VHL: variants seen among roughly 807,000 people sequenced by gnomAD.
VHL encodes the protein von Hippel-Lindau disease tumor suppressor.
A neutral mutation model predicts 19.2 loss-of-function variants in VHL; 10 were observed. The observed-to-expected ratio is 0.52, with a 90% CI of 0.32 to 0.89. VHL has a LOEUF of 0.89. Among genes scored for constraint, VHL ranks in the 40% least tolerant of loss-of-function variants. The pLI, the probability that VHL is intolerant of heterozygous loss-of-function variation, is 0.03. For synonymous variants in VHL, 167 were observed against 129.5 expected, an observed-to-expected ratio of 1.29 and a Z score of -1.97; for missense variants, 328 against 292.7, an observed-to-expected ratio of 1.12 and a Z score of -0.88.
intron 1 of VHL, among the ~76,000 whole-genome samples, chr3:10,145,254 G>A (rs1188018973): frequency 1.3e-5 from 2 of 152,046 alleles, no homozygotes; most frequent in African/African-American, 2.4e-5. Context: ...AAAATTACAA[G>A]TTTACATTTC....
At position 10,141,790 on chromosome 3, in the gene VHL, C is replaced by A; in HGVS notation, c.-58C>A. Reference sequence around the variant, plus strand: ...CGGGAGCGCGCACGCAGCTCCGCCCCGCGTCCGACCCGCGGATCCCGCGGC... The same window carrying A: ...CGGGAGCGCGCACGCAGCTCCGCCCAGCGTCCGACCCGCGGATCCCGCGGC... On this transcript the variant is annotated 5_prime_UTR_variant, in exon 1 of 3. Transcript: ENST00000256474. The A allele has an allele frequency of 6.5e-7, 1 of 1,528,148 alleles. No individual in the cohort carries two copies. Among genetic ancestry groups the A allele is most frequent in the East Asian group, 2.5e-5 (1 of 40,482 alleles). 94.7% of individuals were successfully genotyped at this position (1,528,148 alleles called of 1,614,324 possible).
At chr3:10,147,163 C>G (rs987510812) in intron 2 of VHL, among the ~76,000 whole-genome samples, 10 of 151,872 alleles carry the variant, frequency 6.6e-5, no homozygotes, top group African/African-American at 2.4e-4. Context: ...AGGCGTGTGC[C>G]ACCCACTCTG....
intron 2 of VHL, 38 bp downstream of exon 2, chr3:10,146,674 G>C (rs200928782): frequency 3.1e-6 from 5 of 1,610,864 alleles, no homozygotes; most frequent in Admixed American, 1.7e-5. Flanking sequence ...TAAGGTTGTT[G>C]TGGTAAGTAC....
rs998479331 is a variant in VHL, at chr3:10,150,850, T to G, written c.*885T>G. 2.1e-4 allele frequency: 49 copies of G among 231,248 alleles called. No homozygotes were observed. The highest frequency in any genetic ancestry group is 7.7e-5 in the Non-Finnish European group (9 of 116,912). The allele number at this position is 231,248 out of a possible 1,614,324, so 14.3% of individuals were successfully genotyped here. Reference sequence around the variant, plus strand: ...ATTTCTGTTCCTTTTTGTAAATATGTGACATTCCTGATTGATTTGGGTTTT... The same window carrying G: ...ATTTCTGTTCCTTTTTGTAAATATGGGACATTCCTGATTGATTTGGGTTTT... On this transcript the variant is annotated 3_prime_UTR_variant, in exon 3 of 3. Transcript: ENST00000256474.
In VHL at chr3:10,150,022, C is replaced by A. The variant is rs2125131042; in HGVS notation, c.*57C>A. The A allele has an allele frequency of 6.3e-7, 1 of 1,579,426 alleles. No individual in the cohort carries two copies. Among genetic ancestry groups the A allele is most frequent in the South Asian group, 1.2e-5 (1 of 86,684 alleles). On this transcript the variant is annotated 3_prime_UTR_variant, in exon 3 of 3. Transcript: ENST00000256474. ...TCAGCTTTTGATGGTACTGATGAGTCTTGATCTAGATACAGGACTGGTTCC... is the reference window on the plus strand; with the variant it reads ...TCAGCTTTTGATGGTACTGATGAGTATTGATCTAGATACAGGACTGGTTCC...
In VHL at chr3:10,149,131, A is replaced by G. The variant is rs367874037; in HGVS notation, c.464-656A>G. ...TCTCTTTTCTTTTTTCTTTTTTTTC[A>G]AGATAGGGTCTCACTCTGTCACCCA... On this transcript the variant is annotated intron_variant, in intron 2 of 2. Transcript: ENST00000256474. Among the ~76,000 whole-genome samples the G allele has an allele frequency of 9.0e-5, 12 of 133,762 alleles. 1 individual carries two copies. The East Asian group carries it at 1.1e-3, about 13-fold the overall frequency. The allele number at this position is 133,762 out of a possible 152,430, so 87.8% of individuals were successfully genotyped here.
At position 10,151,999 on chromosome 3, in the gene VHL, T is replaced by G. The variant is rs1136249; in HGVS notation, c.*2034T>G. 0.59 allele frequency: 100,307 copies of G among 170,922 alleles called. 32,435 individuals carry two copies. Among genetic ancestry groups the G allele is most frequent in the East Asian group, 0.75 (7,523 of 10,012 alleles). 10.6% of individuals were successfully genotyped at this position (170,922 alleles called of 1,614,324 possible). On this transcript the variant is annotated 3_prime_UTR_variant, in exon 3 of 3. Transcript: ENST00000256474. ...TCATTGGAGTTTAGGAATTGGAGGC[T>G]GCAGTGAGCCATGAGTATGCCACTG... is the stretch of plus-strand genomic sequence containing the variant.
In VHL at chr3:10,151,344, A is replaced by G. The variant is rs1303893482; in HGVS notation, c.*1379A>G. On this transcript the variant is annotated 3_prime_UTR_variant, in exon 3 of 3. Transcript: ENST00000256474. ...TCATTAACTCAAATTCAATGCTTCT[A>G]TCAGACTCAGTTTTTTGTAACTAAT... 1.4e-5 allele frequency: 3 copies of G among 215,448 alleles called. No homozygotes were observed. The highest frequency in any genetic ancestry group is 6.8e-5 in the African/African-American group (3 of 44,388). The allele number at this position is 215,448 out of a possible 1,614,324, so 13.3% of individuals were successfully genotyped here. A position where few individuals can be genotyped will look rare whatever the true frequency, so the allele number is the denominator to read the frequency against.
At chr3:10,148,605 C>A (rs911561838) in intron 2 of VHL, among the ~76,000 whole-genome samples, 5 of 151,694 alleles carry the variant, frequency 3.3e-5, no homozygotes, top group African/African-American at 1.2e-4. Flanking sequence ...TGAGCCACCG[C>A]GCCCGGCCTA....
At chr3:10,145,955 C>G (rs576803485) in intron 1 of VHL, among the ~76,000 whole-genome samples, 1 of 151,838 alleles carries the variant, frequency 6.6e-6, no homozygotes, top group Non-Finnish European at 1.5e-5. Context: ...GGATTGAGAG[C>G]TTTAAGTACG....
chr3:10,150,852 A>G lies in VHL; in HGVS notation c.*887A>G, dbSNP rs1364253503. 1 of 230,948 alleles carries G rather than the reference A, an allele frequency of 4.3e-6. No individual in the cohort carries two copies. Among genetic ancestry groups the G allele is most frequent in the African/African-American group, 2.2e-5 (1 of 45,186 alleles). 14.3% of individuals were successfully genotyped at this position (230,948 alleles called of 1,614,324 possible). A position where few individuals can be genotyped will look rare whatever the true frequency, so the allele number is the denominator to read the frequency against. On this transcript the variant is annotated 3_prime_UTR_variant, in exon 3 of 3. Transcript: ENST00000256474. ...TTCTGTTCCTTTTTGTAAATATGTG[A>G]CATTCCTGATTGATTTGGGTTTTTT...
At chr3:10,147,701 T>C (rs1285426085) in intron 2 of VHL, among the ~76,000 whole-genome samples, 4 of 151,740 alleles carry the variant, frequency 2.6e-5, no homozygotes, top group Non-Finnish European at 4.4e-5. Flanking sequence ...AAGATTGGTA[T>C]AATACTTCAC....
Position 10,151,666 on chromosome 3 carries a change from C to G in VHL, c.*1701C>G, listed in dbSNP as rs1317815197. Reference sequence around the variant, plus strand: ...GCTCTATGTTAGTATAAGCTTTTCACAAACATTAGTATAGTCTCCCTTTTA... The same window carrying G: ...GCTCTATGTTAGTATAAGCTTTTCAGAAACATTAGTATAGTCTCCCTTTTA... On this transcript the variant is annotated 3_prime_UTR_variant, in exon 3 of 3. Coordinates refer to ENST00000256474, the MANE Select transcript of VHL (RefSeq NM_000551.4). 1 of 215,492 alleles carries G rather than the reference C, an allele frequency of 4.6e-6. No homozygotes were observed. The highest frequency in any genetic ancestry group is 9.4e-6 in the Non-Finnish European group (1 of 106,936). The allele number at this position is 215,492 out of a possible 1,614,324, so 13.3% of individuals were successfully genotyped here.
At chr3:10,145,966 C>T (rs748070297) in intron 1 of VHL, among the ~76,000 whole-genome samples, 6 of 150,190 alleles carry the variant, frequency 4.0e-5, no homozygotes, top group South Asian at 4.2e-4. Flanking sequence ...TTTAAGTACG[C>T]GCTCTTTGCT....
Position 10,149,983 on chromosome 3 carries a change from T to TA in VHL, c.*19dup, listed in dbSNP as rs770268755. 1.9e-6 allele frequency: 3 copies of TA among 1,609,724 alleles called. No homozygotes were observed. Among genetic ancestry groups the TA allele is most frequent in the East Asian group, 2.2e-5 (1 of 44,728 alleles). ...GAGATTGAAGATTTCTGTTGAAACT[T>TA]ACACTGTTTCATCTCAGCTTTTGAT... On this transcript the variant is annotated 3_prime_UTR_variant, in exon 3 of 3. Transcript: ENST00000256474.
rs1064793290 is a variant in VHL at position 10,141,936 on chromosome 3, G to A, written c.89G>A (p.Gly30Glu). The change falls in exon 1 of 3, where the codon GGG becomes GAG. Residue 30 changes from glycine to glutamate, a missense_variant. By Grantham distance (98) the Gly-to-Glu change is moderately conservative. Coordinates refer to ENST00000256474, the MANE Select transcript of VHL (RefSeq NM_000551.4). ...GAGTACGGCCCTGAAGAAGACGGCG[G>A]GGAGGAGTCGGGCGCCGAGGAGTCC... ...VEEYGPEEDGGEESGAEESGP... is the reference protein window; with the variant it reads ...VEEYGPEEDGEEESGAEESGP... 27 of 1,540,418 alleles carry A rather than the reference G, an allele frequency of 1.8e-5. No homozygotes were observed. The Admixed American group carries it at 2.0e-4, about 11-fold the overall frequency.
rs373808892 is a variant in VHL at position 10,146,103 on chromosome 3, A to G, written c.341-411A>G. ...CTTTGTATAATATTTAAGCAGAGTG[A>G]GAGGTAAGCTTTTTGTGTAGGTCAG... is the stretch of plus-strand genomic sequence containing the variant. On this transcript the variant is annotated intron_variant, in intron 1 of 2. Transcript: ENST00000256474. Among the ~76,000 whole-genome samples the G allele has an allele frequency of 7.3e-5, 11 of 151,720 alleles. 1 individual carries two copies. In the East Asian group the frequency reaches 9.7e-4, roughly 13 times the overall value.
intron 1 of VHL, chr3:10,142,723 C>G (rs565282433): frequency 1.2e-5 from 2 of 162,760 alleles, no homozygotes; most frequent in African/African-American, 2.4e-5. Context: ...GTATTTTCCC[C>G]TCAAAGAAAA....
chr3:10,150,075 C>T lies in VHL; in HGVS notation c.*110C>T. 6.5e-7 allele frequency: 1 copy of T among 1,544,684 alleles called. No individual in the cohort carries two copies. Among genetic ancestry groups the T allele is most frequent in the Non-Finnish European group, 8.7e-7 (1 of 1,144,298 alleles). ...CCTTAGTTTCAAAGTGTCTCATTCT[C>T]AGAGTAAAATAGGCACCATTGCTTA... On this transcript the variant is annotated 3_prime_UTR_variant, in exon 3 of 3. Coordinates refer to ENST00000256474, the MANE Select transcript of VHL (RefSeq NM_000551.4).
Sources: gnomAD v4.1 joint callset for allele counts (sites outside exome capture counted in the v4.1 genomes callset) on GRCh38, gnomAD v4.1.1 for gene constraint, MANE v1.5 for transcripts, NCBI Gene and HGNC (gene_info 2026-07-23, HGNC 2026-07-21) for gene names.